The following GAD2 variants were observed in gnomAD, a reference collection of about 807,000 sequenced individuals.
GAD2 encodes 65 kDa glutamic acid decarboxylase.
GAD2 carries 22 observed loss-of-function variants against 80.1 expected under a neutral mutation model. The ratio of observed to expected loss-of-function variants is 0.27; its 90% CI spans 0.20 to 0.39. GAD2 has a LOEUF of 0.39. Ranked by LOEUF, GAD2 falls within the 10% of genes least tolerant of loss-of-function variation. GAD2 has a pLI of 1.00. For synonymous variants in GAD2, 274 were observed against 256.9 expected (o/e 1.07, Z -0.64); for missense variants, 624 against 738.4 (o/e 0.85, Z 1.80).
chr10:26,298,513 T>C (rs142515140), intron 15 of GAD2, among the ~76,000 whole-genome samples: 171 of 152,326 alleles, frequency 1.1e-3, no homozygotes, highest in African/African-American at 4.0e-3. Flanking sequence ...TTGTGGCTGT[T>C]AGCATTAATC....
At chr10:26,300,323 G>A (rs1342665011) in intron 15 of GAD2, among the ~76,000 whole-genome samples, 1 of 152,074 alleles carries the variant, frequency 6.6e-6, no homozygotes, top group East Asian at 1.9e-4. Context: ...AAACTAGAAA[G>A]CTCTGGGGTT....
At chr10:26,265,370 A>G (rs1255336922) in intron 8 of GAD2, among the ~76,000 whole-genome samples, 1 of 152,056 alleles carries the variant, frequency 6.6e-6, no homozygotes, top group Non-Finnish European at 1.5e-5. Context: ...ATGCCCAGCT[A>G]ATTTTTGCAT....
chr10:26,245,886 G>T, intron 7 of GAD2, 35 bp from the exon 8 acceptor site: 1 of 1,503,110 alleles, frequency 6.7e-7, no homozygotes, highest in South Asian at 1.1e-5. Context: ...GTCTGTATAT[G>T]GAACTAATTG....
chr10:26,299,627 A>G, intron 15 of GAD2, among the ~76,000 whole-genome samples: 1 of 152,228 alleles, frequency 6.6e-6, no homozygotes, highest in East Asian at 1.9e-4. Flanking sequence ...AAGAACAACA[A>G]CAAAAACAGT....
intron 4 of GAD2, among the ~76,000 whole-genome samples, chr10:26,221,665 T>TG: frequency 6.6e-6 from 1 of 152,220 alleles, no homozygotes; most frequent in East Asian, 1.9e-4. Flanking sequence ...GGGTCAGAGT[T>TG]GCCTGAGGCT....
intron 8 of GAD2, 44 bp downstream of exon 8, chr10:26,246,044 T>G: frequency 3.3e-6 from 5 of 1,525,302 alleles, no homozygotes; most frequent in South Asian, 1.1e-5. Context: ...AATTTGCAAA[T>G]TCCACACAAG....
At chr10:26,276,517 G>A (rs1210057513) in intron 11 of GAD2, among the ~76,000 whole-genome samples, 1 of 152,076 alleles carries the variant, frequency 6.6e-6, no homozygotes, top group Non-Finnish European at 1.5e-5. Context: ...GAGTAGCTGG[G>A]GTTACAGGTA....
rs776234244 is a variant in GAD2, at chr10:26,300,936, T to C, written c.1733T>C (p.Ile578Thr). The change falls in exon 16 of 16, where the codon ATA becomes ACA. Residue 578 changes from isoleucine (I) to threonine (T), a missense_variant. Ile to Thr is a moderately conservative substitution (Grantham distance 89). Coordinates refer to ENST00000376261, the MANE Select transcript of GAD2 (RefSeq NM_001134366.2). ...HQDIDFLIEEIERLGQDL is the reference protein window; with the variant it reads ...HQDIDFLIEETERLGQDL The stretch of plus-strand genomic sequence containing the variant: ...GACATTGACTTCCTGATTGAAGAAA[T>C]AGAACGCCTTGGACAAGATTTATAA... 1.2e-6 allele frequency: 2 copies of C among 1,613,846 alleles called. No individual in the cohort carries two copies. The highest frequency in any genetic ancestry group is 2.7e-5 in the African/African-American group (2 of 75,016).
At chr10:26,258,388 CAT>C (rs1189057361) in intron 8 of GAD2, among the ~76,000 whole-genome samples, 2 of 152,162 alleles carry the variant, frequency 1.3e-5, no homozygotes, top group African/African-American at 4.8e-5. Flanking sequence ...ATACACATAA[CAT>C]AAAATTTCCG....
In GAD2 at chr10:26,301,004, T is replaced by C; in HGVS notation, c.*43T>C. 4 of 1,504,906 alleles carry C rather than the reference T, an allele frequency of 2.7e-6. No homozygotes were observed. The highest frequency in any genetic ancestry group is 3.7e-6 in the Non-Finnish European group (4 of 1,083,278). The allele number at this position is 1,504,906 out of a possible 1,614,324, so 93.2% of individuals were successfully genotyped here. A position where few individuals can be genotyped will look rare whatever the true frequency, so the allele number is the denominator to read the frequency against. Reference sequence around the variant, plus strand: ...CTGTTCCACTTCTCTAGGTAGACAATTAAGTTGTCACAAACTGTGTGAATG... The same window carrying C: ...CTGTTCCACTTCTCTAGGTAGACAACTAAGTTGTCACAAACTGTGTGAATG... On this transcript the variant is annotated 3_prime_UTR_variant, in exon 16 of 16. Coordinates refer to ENST00000376261, the MANE Select transcript of GAD2 (RefSeq NM_001134366.2).
In GAD2 at chr10:26,304,279, T is replaced by C. The variant is rs1834358507; in HGVS notation, c.*3318T>C. On this transcript the variant is annotated 3_prime_UTR_variant, in exon 16 of 16. Coordinates refer to ENST00000376261, the MANE Select transcript of GAD2 (RefSeq NM_001134366.2). ...GCAGGATGAGGAACCTCAAACTGGG[T>C]ATCATTTTGCACGTGCTCTTCTGTT... 6.6e-6 allele frequency: 1 copy of C among 152,570 alleles called. No homozygotes were observed. Among genetic ancestry groups the C allele is most frequent in the South Asian group, 2.1e-4 (1 of 4,830 alleles). The allele number at this position is 152,570 out of a possible 1,614,324, so 9.5% of individuals were successfully genotyped here. A position where few individuals can be genotyped will look rare whatever the true frequency, so the allele number is the denominator to read the frequency against.
At chr10:26,281,901 G>A (rs8190755) in intron 12 of GAD2, among the ~76,000 whole-genome samples, 126 of 152,166 alleles carry the variant, frequency 8.3e-4, no homozygotes, top group African/African-American at 2.9e-3. Context: ...CATTAATAAA[G>A]CAACCCCAGA....
chr10:26,300,795 C>T lies in GAD2; in HGVS notation c.1592C>T (p.Pro531Leu). The T allele has an allele frequency of 6.2e-7, 1 of 1,613,488 alleles. No individual in the cohort carries two copies. Among genetic ancestry groups the T allele is most frequent in the Non-Finnish European group, 8.5e-7 (1 of 1,179,568 alleles). Residue 531 changes from proline to leucine, a missense_variant, in exon 16 of 16, where the codon CCA becomes CTA. Transcript: ENST00000376261. ...ERMSRLSKVA[P>L]VIKARMMEYG... is the part of the protein sequence containing the mutation. Reference sequence around the variant, plus strand: ...ATATGGTCTGTCCCACAGGTGGCTCCAGTGATTAAAGCCAGAATGATGGAG... The same window carrying T: ...ATATGGTCTGTCCCACAGGTGGCTCTAGTGATTAAAGCCAGAATGATGGAG...
chr10:26,223,747 G>C (rs1418177857), intron 4 of GAD2, 140 bp from the exon 5 acceptor site: 2 of 572,646 alleles, frequency 3.5e-6, no homozygotes, highest in African/African-American at 3.7e-5. Flanking sequence ...ATACACACGT[G>C]TGTACATGTT....
At chr10:26,284,706 G>A (rs1008474666) in intron 12 of GAD2, among the ~76,000 whole-genome samples, 1 of 151,580 alleles carries the variant, frequency 6.6e-6, no homozygotes, top group African/African-American at 2.4e-5. Flanking sequence ...CCAGTAGCTG[G>A]AACTACAGGC....
At position 26,269,178 on chromosome 10, in the gene GAD2, G is replaced by C; in HGVS notation, c.975+5G>C. On this transcript the variant is annotated splice_donor_5th_base_variant and intron_variant, in intron 9 of 15. Transcript: ENST00000376261. ...ATTCTTGAAGCCAAACAGAAAGTAA[G>C]TTTCTGCCGGGAGCTTTATCCAGCC... is the stretch of plus-strand genomic sequence containing the variant. 1 of 1,592,168 alleles carries C rather than the reference G, an allele frequency of 6.3e-7. No homozygotes were observed. Among genetic ancestry groups the C allele is most frequent in the Non-Finnish European group, 8.6e-7 (1 of 1,167,686 alleles).
intron 8 of GAD2, among the ~76,000 whole-genome samples, 162 bp downstream of exon 8, chr10:26,246,162 T>C (rs923706124): frequency 2.6e-5 from 4 of 152,352 alleles, no homozygotes; most frequent in South Asian, 4.1e-4. Flanking sequence ...CTGCTTCTGT[T>C]GCTCAGATGT....
At chr10:26,289,125 T>C (rs1834184498) in intron 13 of GAD2, among the ~76,000 whole-genome samples, 1 of 152,102 alleles carries the variant, frequency 6.6e-6, no homozygotes, top group South Asian at 2.1e-4. Context: ...AGTAATAAGC[T>C]AAGTCCTACA....
intron 11 of GAD2, among the ~76,000 whole-genome samples, chr10:26,278,135 C>T (rs960125552): frequency 6.6e-6 from 1 of 152,150 alleles, no homozygotes; most frequent in East Asian, 1.9e-4. Flanking sequence ...GCCTTGGCAG[C>T]TTCTCTTCTA....
Sources: allele counts gnomAD v4.1 joint callset (sites outside exome capture counted in the v4.1 genomes callset), GRCh38; gene constraint gnomAD v4.1.1; transcripts MANE v1.5; gene names NCBI Gene and HGNC (gene_info 2026-07-23, HGNC 2026-07-21).